Variants in TXNDC11 observed in about 807,000 individuals in gnomAD.
The protein encoded by TXNDC11 is thioredoxin domain-containing protein 11.
A neutral mutation model predicts 78.0 loss-of-function variants in TXNDC11; 68 were observed. The ratio of observed to expected loss-of-function variants is 0.87; its 90% CI spans 0.72 to 1.07. The LOEUF is 1.07. TXNDC11 is among the 50% of genes least tolerant of loss of function. The probability of loss-of-function intolerance (pLI) is 0.00; values close to 1 mark genes in which losing one functional copy is unlikely to be tolerated. For synonymous variants in TXNDC11, 571 were observed against 495.2 expected, an observed-to-expected ratio of 1.15 and a Z score of -2.03; for missense variants, 1,389 against 1,221.8, an observed-to-expected ratio of 1.14 and a Z score of -2.04.
At position 11,691,720 on chromosome 16, in the gene TXNDC11, T is replaced by C. The variant is rs2050721933; in HGVS notation, c.1470A>G (p.Ile490Met). ...AGGAAGTTAAAAAATTGCTGCATTC[T>C]ATGCTGTCTGATGCCACATGATAAA... is the stretch of plus-strand genomic sequence containing the variant. ...QTFYHVASDS[I>M]ECSNFLTSYS... is the part of the protein sequence containing the mutation. The change falls in exon 8 of 12, where the codon ATA (isoleucine) becomes ATG (methionine). Residue 490 changes from isoleucine to methionine, a missense_variant. Ile to Met is a conservative substitution (Grantham distance 10). Coordinates refer to ENST00000283033, the MANE Select transcript of TXNDC11 (RefSeq NM_015914.7). 26 of 1,614,258 alleles carry C rather than the reference T, an allele frequency of 1.6e-5. No homozygotes were observed. The highest frequency in any genetic ancestry group is 2.0e-5 in the Non-Finnish European group (24 of 1,180,052).
At chr16:11,684,315 A>T in intron 10 of TXNDC11, 70 bp from the exon 11 acceptor site, 1 of 1,183,894 alleles carries the variant, frequency 8.4e-7, no homozygotes. Flanking sequence ...GAACCTTCTC[A>T]GATAACTTCA....
intron 5 of TXNDC11, among the ~76,000 whole-genome samples, chr16:11,712,790 A>C (rs2051400242): frequency 6.6e-6 from 1 of 151,726 alleles, no homozygotes; most frequent in East Asian, 1.9e-4. Context: ...ACATCTCTAC[A>C]AAAAAAATAG....
intron 5 of TXNDC11, among the ~76,000 whole-genome samples, chr16:11,702,121 C>T (rs537339719): frequency 7.6e-5 from 11 of 145,694 alleles, no homozygotes; most frequent in Admixed American, 2.0e-4. Context: ...TATGTTTTTT[C>T]CCCTACAGGC....
intron 5 of TXNDC11, among the ~76,000 whole-genome samples, chr16:11,705,736 T>C (rs1422572503): frequency 1.3e-5 from 2 of 152,204 alleles, no homozygotes; most frequent in Non-Finnish European, 1.5e-5. Flanking sequence ...AACAGAAATG[T>C]ACAAAAAACA....
At chr16:11,704,108 A>ATTTT (rs1408260448) in intron 5 of TXNDC11, among the ~76,000 whole-genome samples, 1 of 152,182 alleles carries the variant, frequency 6.6e-6, no homozygotes, top group Non-Finnish European at 1.5e-5. Context: ...AAATAAATGA[A>ATTTT]GTAAAGAAGT....
intron 6 of TXNDC11, among the ~76,000 whole-genome samples, chr16:11,699,702 T>C (rs538753937): frequency 6.6e-6 from 1 of 152,228 alleles, no homozygotes; most frequent in South Asian, 2.1e-4. Flanking sequence ...ACTTAGACAT[T>C]GTGCCAAGGG....
intron 5 of TXNDC11, among the ~76,000 whole-genome samples, chr16:11,708,483 G>T (rs957635445): frequency 7.2e-5 from 11 of 152,266 alleles, no homozygotes; most frequent in African/African-American, 2.6e-4. Flanking sequence ...TACACTGAAA[G>T]AACAGAGAGA....
At chr16:11,709,033 C>T (rs1236718996) in intron 5 of TXNDC11, among the ~76,000 whole-genome samples, 2 of 152,092 alleles carry the variant, frequency 1.3e-5, no homozygotes, top group African/African-American at 4.8e-5. Flanking sequence ...AAAAAACCTT[C>T]GAAGAAATGT....
chr16:11,722,406 C>T (rs1464362730), intron 4 of TXNDC11, among the ~76,000 whole-genome samples: 1 of 152,232 alleles, frequency 6.6e-6, no homozygotes, highest in African/African-American at 2.4e-5. Context: ...TTCTGCCTTC[C>T]TGTTTACAAT....
chr16:11,712,373 A>C (rs1597457720), intron 5 of TXNDC11, among the ~76,000 whole-genome samples: 1 of 150,168 alleles, frequency 6.7e-6, no homozygotes, highest in Non-Finnish European at 1.5e-5. Flanking sequence ...TAAGCCTCCC[A>C]CCCCCCAGCA....
chr16:11,740,601 A>G (rs1271130974), intron 1 of TXNDC11, among the ~76,000 whole-genome samples: 1 of 152,224 alleles, frequency 6.6e-6, no homozygotes. Context: ...TTGAACCTAA[A>G]TGTCACCTCG....
Position 11,682,441 on chromosome 16 carries a change from C to G in TXNDC11, c.2234+1724G>C, listed in dbSNP as rs565253647. ...GGCCGGAGAAATGCGCACATCTTCA[C>G]GTTTCCCACACCAGGCAGCCTAAGA... On this transcript the variant is annotated intron_variant, in intron 11 of 11. Transcript: ENST00000283033. Among the ~76,000 whole-genome samples the G allele has an allele frequency of 4.4e-4, 67 of 152,346 alleles. 1 individual carries two copies. The highest frequency in any genetic ancestry group is 1.6e-3 in the African/African-American group (65 of 41,580).
chr16:11,712,350 C>T (rs1464950889), intron 5 of TXNDC11, among the ~76,000 whole-genome samples: 3 of 152,230 alleles, frequency 2.0e-5, no homozygotes, highest in Middle Eastern at 3.4e-3. Context: ...TTCTTCCATA[C>T]TTAGCTGCAG....
chr16:11,731,689 A>T (rs904706770), intron 3 of TXNDC11, among the ~76,000 whole-genome samples: 2 of 110,388 alleles, frequency 1.8e-5, no homozygotes, highest in Non-Finnish European at 3.6e-5. Context: ...ACAGAAATTC[A>T]CACACACACA....
intron 5 of TXNDC11, among the ~76,000 whole-genome samples, chr16:11,703,244 T>C (rs2051083762): frequency 6.6e-6 from 1 of 152,304 alleles, no homozygotes; most frequent in South Asian, 2.1e-4. Context: ...GTATCTTGAC[T>C]GGATGCTGTA....
At chr16:11,695,119 T>C (rs963044344) in intron 7 of TXNDC11, among the ~76,000 whole-genome samples, 1 of 152,078 alleles carries the variant, frequency 6.6e-6, no homozygotes, top group Non-Finnish European at 1.5e-5. Flanking sequence ...ACAAGTTGTG[T>C]AATACACACT....
At chr16:11,714,105 G>C (rs1158369946) in intron 5 of TXNDC11, among the ~76,000 whole-genome samples, 3 of 151,688 alleles carry the variant, frequency 2.0e-5, no homozygotes, top group Non-Finnish European at 4.4e-5. Flanking sequence ...GCAGTGGCAT[G>C]ATCTCAGCTC....
In TXNDC11 at chr16:11,691,771, A is replaced by G. The variant is rs139558853; in HGVS notation, c.1419T>C (p.Asp473=). The G allele has an allele frequency of 1.4e-4, 230 of 1,614,268 alleles. 1 individual carries two copies. In the East Asian group the frequency reaches 4.7e-3, roughly 33 times the overall value. Reference sequence around the variant, plus strand: ...AGGTCTGCTCCTTGAGGTAGAAAGAATCCAGAGCTGCTGCCATTTCAAAAA... The same window carrying G: ...AGGTCTGCTCCTTGAGGTAGAAAGAGTCCAGAGCTGCTGCCATTTCAAAAA... ...CSFFEMAAAL[D]SFYLKEQTFY... is the part of the protein sequence containing the mutation. The change falls in exon 8 of 12, where the codon GAT becomes GAC. Residue 473 remains aspartate (D), a synonymous_variant. Transcript: ENST00000283033.
At chr16:11,689,086 A>C (rs1458628238) in intron 8 of TXNDC11, among the ~76,000 whole-genome samples, 1 of 108,490 alleles carries the variant, frequency 9.2e-6, no homozygotes. Flanking sequence ...TTTGAATTTC[A>C]CTTTTTTTTT....
Sources: allele counts gnomAD v4.1 joint callset (sites outside exome capture counted in the v4.1 genomes callset), GRCh38; gene constraint gnomAD v4.1.1; transcripts MANE v1.5; gene names NCBI Gene and HGNC (gene_info 2026-07-23, HGNC 2026-07-21).